Variants in HIBADH observed in about 807,000 individuals in gnomAD.
HIBADH encodes 3-hydroxyisobutyrate dehydrogenase.
A neutral mutation model predicts 36.1 loss-of-function variants in HIBADH; 25 were observed. That is an observed-to-expected ratio of 0.69 (90% CI 0.50 to 0.97). The LOEUF is 0.97. Ranked by LOEUF, HIBADH falls within the 50% of genes least tolerant of loss-of-function variation. The probability of loss-of-function intolerance (pLI) is 0.00; values close to 1 mark genes in which losing one functional copy is unlikely to be tolerated. For synonymous variants in HIBADH, 160 were observed against 149.5 expected (o/e 1.07, Z -0.51); for missense variants, 421 against 418.0 (o/e 1.01, Z -0.06).
intron 4 of HIBADH, among the ~76,000 whole-genome samples, chr7:27,592,618 CA>C (rs988827423): frequency 6.6e-6 from 1 of 150,610 alleles, no homozygotes; most frequent in Non-Finnish European, 1.5e-5. Flanking sequence ...GGAAAACAAA[CA>C]AAAAAAAACA....
chr7:27,594,301 G>A (rs551239431), intron 4 of HIBADH, among the ~76,000 whole-genome samples: 4 of 151,690 alleles, frequency 2.6e-5, no homozygotes, highest in South Asian at 2.1e-4. Flanking sequence ...GAGCCACCAC[G>A]CCTGGCTAAT....
At chr7:27,624,133 C>T (rs1002332731) in intron 4 of HIBADH, among the ~76,000 whole-genome samples, 1 of 152,002 alleles carries the variant, frequency 6.6e-6, no homozygotes, top group Admixed American at 6.6e-5. Flanking sequence ...ATATTGCCAA[C>T]AGCAATCTAA....
At chr7:27,642,737 C>T (rs1166712881) in intron 2 of HIBADH, among the ~76,000 whole-genome samples, 2 of 150,834 alleles carry the variant, frequency 1.3e-5, no homozygotes, top group African/African-American at 4.9e-5. Flanking sequence ...CTGCAAGCTC[C>T]GCCTCCCGGG....
At chr7:27,627,682 C>A (rs1281631595) in intron 4 of HIBADH, among the ~76,000 whole-genome samples, 1 of 151,968 alleles carries the variant, frequency 6.6e-6, no homozygotes, top group African/African-American at 2.4e-5. Context: ...ACAATAAGAC[C>A]AATATAAATA....
chr7:27,586,437 A>G (rs1784865731), intron 4 of HIBADH, among the ~76,000 whole-genome samples: 1 of 152,154 alleles, frequency 6.6e-6, no homozygotes, highest in South Asian at 2.1e-4. Context: ...AGATGGTTTC[A>G]TGAATAAAAT....
At chr7:27,643,368 G>C (rs1583616256) in intron 2 of HIBADH, among the ~76,000 whole-genome samples, 1 of 152,218 alleles carries the variant, frequency 6.6e-6, no homozygotes, top group Non-Finnish European at 1.5e-5. Context: ...GTGTACAGCA[G>C]AGGTGAAACT....
chr7:27,661,372 G>C (rs1786414051), intron 1 of HIBADH, among the ~76,000 whole-genome samples: 1 of 152,126 alleles, frequency 6.6e-6, no homozygotes, highest in Admixed American at 6.6e-5. Context: ...AGGATCACTT[G>C]AGCGCAGGAG....
intron 2 of HIBADH, 136 bp from the exon 3 acceptor site, chr7:27,632,581 A>C (rs1054144066): frequency 2.4e-5 from 3 of 125,840 alleles, no homozygotes; most frequent in South Asian, 2.6e-4. Context: ...GCAAATGACC[A>C]AAAAAAAAAA....
chr7:27,533,615 A>G (rs1583556348), intron 6 of HIBADH, among the ~76,000 whole-genome samples: 1 of 152,316 alleles, frequency 6.6e-6, no homozygotes, highest in East Asian at 1.9e-4. Flanking sequence ...CAGTTACTGA[A>G]GTCCTCTGTT....
At chr7:27,647,728 T>C in intron 2 of HIBADH, 1 of 409,814 alleles carries the variant, frequency 2.4e-6, no homozygotes, top group Non-Finnish European at 5.1e-6. Context: ...GAGGTAAGCC[T>C]GGTAACTTCA....
intron 4 of HIBADH, among the ~76,000 whole-genome samples, chr7:27,625,219 A>G (rs1000894948): frequency 5.3e-5 from 8 of 152,204 alleles, no homozygotes; most frequent in African/African-American, 1.4e-4. Flanking sequence ...GTCTACAGAA[A>G]GGCATACCTT....
chr7:27,569,455 T>C (rs1784597902), intron 4 of HIBADH, among the ~76,000 whole-genome samples: 1 of 152,170 alleles, frequency 6.6e-6, no homozygotes, highest in Admixed American at 6.6e-5. Flanking sequence ...ACAGGATGTA[T>C]TTGAATCTGT....
At chr7:27,626,792 C>T (rs920174020) in intron 4 of HIBADH, among the ~76,000 whole-genome samples, 12 of 151,914 alleles carry the variant, frequency 7.9e-5, no homozygotes, top group African/African-American at 2.4e-4. Flanking sequence ...TTTGTACGTA[C>T]CTATATATAA....
intron 4 of HIBADH, among the ~76,000 whole-genome samples, chr7:27,551,343 G>A (rs1202787013): frequency 3.9e-5 from 6 of 152,110 alleles, no homozygotes; most frequent in Non-Finnish European, 1.5e-5. Context: ...CTCAATCTTG[G>A]TTTCTTCATC....
chr7:27,631,749 T>C (rs899304603), intron 3 of HIBADH, among the ~76,000 whole-genome samples: 85 of 152,186 alleles, frequency 5.6e-4, no homozygotes, highest in African/African-American at 2.0e-3. Context: ...GTTATTTACA[T>C]CCTACTGCTC....
chr7:27,632,458 T>C lies in HIBADH; in HGVS notation c.253-13A>G. On this transcript the variant is annotated splice_polypyrimidine_tract_variant and intron_variant, in intron 2 of 7. Transcript: ENST00000265395. ...GGGAAGATACTACCTTTAAAAAAAA[T>C]TGCAAAGGCACATTATTTAAATTAA... The C allele has an allele frequency of 3.2e-6, 5 of 1,562,938 alleles. No homozygotes were observed. The highest frequency in any genetic ancestry group is 2.2e-5 in the South Asian group (2 of 89,908).
Position 27,542,961 on chromosome 7 carries a change from T to C in HIBADH, c.618+6A>G. 6.2e-7 allele frequency: 1 copy of C among 1,611,630 alleles called. No homozygotes were observed. On this transcript the variant is annotated splice_donor_region_variant and intron_variant, in intron 5 of 7. Transcript: ENST00000265395. ...CAAGTCAAGGTCATTAATGTAAAAA[T>C]CTTACCTGCCCAGTCCCAACAGCTC...
Position 27,637,943 on chromosome 7 carries a change from A to C in HIBADH, c.253-5498T>G, listed in dbSNP as rs184744449. 8.5e-4 allele frequency among the ~76,000 whole-genome samples: 130 copies of C among 152,232 alleles called. 1 individual carries two copies. The highest frequency in any genetic ancestry group is 1.2e-4 in the Non-Finnish European group (8 of 67,974). Reference sequence around the variant, plus strand: ...TACTCAAAGAAATCAGAGATGACACAAACATTCCATGCTCATGGATAGGAA... The same window carrying C: ...TACTCAAAGAAATCAGAGATGACACCAACATTCCATGCTCATGGATAGGAA... On this transcript the variant is annotated intron_variant, in intron 2 of 7. Transcript: ENST00000265395.
intron 4 of HIBADH, among the ~76,000 whole-genome samples, chr7:27,592,823 C>T (rs1419607068): frequency 2.6e-5 from 2 of 75,740 alleles, no homozygotes; most frequent in Admixed American, 2.6e-4. Context: ...TTAAAACTTT[C>T]AATGGTTTTT....
Sources: allele counts gnomAD v4.1 joint callset (sites outside exome capture counted in the v4.1 genomes callset), GRCh38; gene constraint gnomAD v4.1.1; transcripts MANE v1.5; gene names NCBI Gene and HGNC (gene_info 2026-07-23, HGNC 2026-07-21).